PCCA: variants seen among roughly 807,000 people sequenced by gnomAD.
PCCA encodes propionyl-CoA carboxylase subunit alpha.
A neutral mutation model predicts 101.3 loss-of-function variants in PCCA; 74 were observed. That is an observed-to-expected ratio of 0.73 (90% confidence interval 0.61 to 0.89). PCCA has a LOEUF of 0.89. Ranked by LOEUF, PCCA falls within the 40% of genes least tolerant of loss-of-function variation. The pLI, the probability that PCCA is intolerant of heterozygous loss-of-function variation, is 0.00. For missense variants in PCCA, 891 were observed against 907.0 expected, an observed-to-expected ratio of 0.98 and a Z score of 0.23; for synonymous variants, 294 against 313.6, an observed-to-expected ratio of 0.94 and a Z score of 0.66.
chr13:100,470,773 C>T (rs113047791), intron 21 of PCCA, among the ~76,000 whole-genome samples: 3,968 of 152,204 alleles, frequency 0.026, 183 homozygotes, highest in African/African-American at 0.091. Context: ...GCGGGAGAAT[C>T]GCTTGAACCC....
At chr13:100,229,769 C>G (rs554877264) in intron 7 of PCCA, among the ~76,000 whole-genome samples, 1 of 152,182 alleles carries the variant, frequency 6.6e-6, no homozygotes, top group Non-Finnish European at 1.5e-5. Flanking sequence ...AATGTACTCT[C>G]GTGGCAAAAC....
intron 2 of PCCA, among the ~76,000 whole-genome samples, chr13:100,104,829 G>A (rs1464177986): frequency 6.6e-5 from 10 of 151,794 alleles, no homozygotes; most frequent in Non-Finnish European, 1.2e-4. Context: ...TCAGCCTCCC[G>A]AGTAGCTGGG....
chr13:100,414,493 A>G (rs1295272910), intron 19 of PCCA, among the ~76,000 whole-genome samples: 1 of 152,232 alleles, frequency 6.6e-6, no homozygotes, highest in Non-Finnish European at 1.5e-5. Context: ...AATTATTATA[A>G]GAGCATTAAA....
chr13:100,421,237 A>G (rs955817924), intron 19 of PCCA, among the ~76,000 whole-genome samples: 17 of 152,170 alleles, frequency 1.1e-4, no homozygotes, highest in African/African-American at 3.9e-4. Context: ...CTGTATGTAT[A>G]TATGGTACAA....
At chr13:100,439,538 A>G (rs1233022793) in intron 20 of PCCA, among the ~76,000 whole-genome samples, 2 of 152,000 alleles carry the variant, frequency 1.3e-5, no homozygotes, top group Non-Finnish European at 2.9e-5. Flanking sequence ...TTTTTTTACT[A>G]TGTCTATATT....
intron 20 of PCCA, among the ~76,000 whole-genome samples, chr13:100,430,398 T>A (rs1235171508): frequency 3.9e-5 from 6 of 152,178 alleles, no homozygotes; most frequent in Admixed American, 6.5e-5. Flanking sequence ...CTACCTTGCT[T>A]TTCTTTAGGG....
rs1457161898 is a variant in PCCA, at chr13:100,124,534, C to T, written c.300+12473C>T. Among the ~76,000 whole-genome samples the T allele has an allele frequency of 2.0e-5, 3 of 152,162 alleles. No homozygotes were observed. The East Asian group carries it at 5.8e-4, about 29-fold the overall frequency. ...CCTGTGAGCACTCTGGGGTGATTGA[C>T]AGTAAGGTGAGGGCAGTCATCACTT... On this transcript the variant is annotated intron_variant, in intron 4 of 23. Coordinates refer to ENST00000376285, the MANE Select transcript of PCCA (RefSeq NM_000282.4).
rs548681454 is a variant in PCCA, at chr13:100,292,930, A to G, written c.1066-8530A>G. 4.4e-3 allele frequency among the ~76,000 whole-genome samples: 159 copies of G among 36,448 alleles called. 1 individual carries two copies. In the South Asian group the frequency reaches 0.045, roughly 10 times the overall value. The allele number at this position is 36,448 out of a possible 152,430, so 23.9% of individuals were successfully genotyped here. On this transcript the variant is annotated intron_variant, in intron 12 of 23. Coordinates refer to ENST00000376285, the MANE Select transcript of PCCA (RefSeq NM_000282.4). The stretch of plus-strand genomic sequence containing the variant: ...TTAGGACCCTGAATACACCTTTCCA[A>G]ATTCGTGTGTGTGTGTGTGTGTGTG...
chr13:100,109,110 A>G (rs1311804997), intron 2 of PCCA, among the ~76,000 whole-genome samples: 1 of 152,254 alleles, frequency 6.6e-6, no homozygotes, highest in African/African-American at 2.4e-5. Flanking sequence ...CATGTAGCCC[A>G]AAGGGGTGAA....
intron 22 of PCCA, among the ~76,000 whole-genome samples, chr13:100,518,369 GC>G (rs1224150726): frequency 6.6e-6 from 1 of 152,208 alleles, no homozygotes; most frequent in Non-Finnish European, 1.5e-5. Flanking sequence ...ATGTGGGGTG[GC>G]CGTTGAGAAG....
At chr13:100,489,167 G>T (rs1433405183) in intron 21 of PCCA, among the ~76,000 whole-genome samples, 2 of 152,142 alleles carry the variant, frequency 1.3e-5, no homozygotes, top group Non-Finnish European at 2.9e-5. Context: ...AATTAGCCAG[G>T]CGTGGTGGCG....
chr13:100,396,628 T>C (rs1009526598), intron 19 of PCCA, among the ~76,000 whole-genome samples: 1 of 152,176 alleles, frequency 6.6e-6, no homozygotes, highest in Non-Finnish European at 1.5e-5. Context: ...CTGGGCAATA[T>C]AGAAACCTCT....
chr13:100,403,932 A>T (rs2077519042), intron 19 of PCCA, among the ~76,000 whole-genome samples: 1 of 152,058 alleles, frequency 6.6e-6, no homozygotes, highest in Admixed American at 6.6e-5. Flanking sequence ...TGGCTGTCTC[A>T]TTCTCCCCTC....
At chr13:100,477,079 C>G (rs1015244457) in intron 21 of PCCA, among the ~76,000 whole-genome samples, 1 of 152,106 alleles carries the variant, frequency 6.6e-6, no homozygotes, top group South Asian at 2.1e-4. Context: ...GGGTAATGAC[C>G]GAGGGCACCT....
At chr13:100,504,934 CA>C (rs111257615) in intron 21 of PCCA, among the ~76,000 whole-genome samples, 1 of 148,046 alleles carries the variant, frequency 6.8e-6, no homozygotes. Context: ...GACTCTGTCT[CA>C]AAAAAAAAAG....
intron 18 of PCCA, among the ~76,000 whole-genome samples, chr13:100,350,060 T>G (rs1454537428): frequency 6.6e-6 from 1 of 152,170 alleles, no homozygotes. Flanking sequence ...TGATAAAAGT[T>G]TAAGGTTTTT....
At chr13:100,256,287 G>A (rs895394875) in intron 8 of PCCA, among the ~76,000 whole-genome samples, 1 of 152,126 alleles carries the variant, frequency 6.6e-6, no homozygotes, top group Admixed American at 6.6e-5. Flanking sequence ...TTACAGACAT[G>A]AGCCACTGTG....
At chr13:100,371,934 AGAC>A (rs926716592) in intron 19 of PCCA, among the ~76,000 whole-genome samples, 1 of 152,242 alleles carries the variant, frequency 6.6e-6, no homozygotes, top group Non-Finnish European at 1.5e-5. Flanking sequence ...AGTGGAGAAA[AGAC>A]AGCCTTTTCA....
At chr13:100,171,760 C>T (rs558627308) in intron 6 of PCCA, among the ~76,000 whole-genome samples, 48 of 152,138 alleles carry the variant, frequency 3.2e-4, no homozygotes, top group Middle Eastern at 6.8e-3. Flanking sequence ...TGGCTGGGCG[C>T]GGTGGCTCAC....
Sources: allele counts gnomAD v4.1 joint callset (sites outside exome capture counted in the v4.1 genomes callset), GRCh38; gene constraint gnomAD v4.1.1; transcripts MANE v1.5; gene names NCBI Gene and HGNC (gene_info 2026-07-23, HGNC 2026-07-21).